PSD3: variants seen among roughly 807,000 people sequenced by gnomAD.
PSD3 encodes the protein pleckstrin and Sec7 domain containing 3.
In PSD3, 49 loss-of-function variants were observed where a neutral mutation model predicts 105.5. The observed-to-expected ratio is 0.46, with a 90% confidence interval of 0.37 to 0.59. The LOEUF is 0.59. PSD3 is among the 20% of genes least tolerant of loss of function. The pLI, the probability that PSD3 is intolerant of heterozygous loss-of-function variation, is 0.00. For missense variants in PSD3, 1,561 were observed against 1,263.8 expected, an observed-to-expected ratio of 1.24 and a Z score of -3.57; for synonymous variants, 557 against 457.8, an observed-to-expected ratio of 1.22 and a Z score of -2.77.
At chr8:18,619,365 T>C (rs1230665005) in intron 11 of PSD3, among the ~76,000 whole-genome samples, 1 of 152,060 alleles carries the variant, frequency 6.6e-6, no homozygotes, top group Admixed American at 6.6e-5. Context: ...CTAAGGCCAC[T>C]GGGGTATGCT....
At chr8:18,665,433 C>T (rs1236269710) in intron 9 of PSD3, among the ~76,000 whole-genome samples, 1 of 152,194 alleles carries the variant, frequency 6.6e-6, no homozygotes, top group Non-Finnish European at 1.5e-5. Flanking sequence ...TGCATTGCTG[C>T]AATCTCATGG....
rs907176669 is a variant in PSD3 at position 18,530,465 on chromosome 8, C to G, written c.*5278G>C. ...CTTCCAAGTCAAGCGAGTACGGATG[C>G]GGCACCACGAGAGTGGTTTGATCTC... On this transcript the variant is annotated 3_prime_UTR_variant, in exon 16 of 16. Transcript: ENST00000327040. 6.5e-6 allele frequency: 1 copy of G among 152,676 alleles called. No homozygotes were observed. Among genetic ancestry groups the G allele is most frequent in the East Asian group, 1.9e-4 (1 of 5,174 alleles). 9.5% of individuals were successfully genotyped at this position (152,676 alleles called of 1,614,324 possible).
intron 12 of PSD3, among the ~76,000 whole-genome samples, chr8:18,593,223 A>C (rs927229729): frequency 9.8e-5 from 15 of 152,340 alleles, no homozygotes; most frequent in African/African-American, 3.4e-4. Context: ...CAATCTACTC[A>C]TCTGACAAAG....
intron 1 of PSD3, among the ~76,000 whole-genome samples, chr8:19,053,247 G>A (rs923550650): frequency 2.6e-5 from 4 of 152,086 alleles, no homozygotes; most frequent in Non-Finnish European, 5.9e-5. Flanking sequence ...CAGGTGGTGG[G>A]AACAAATGGG....
chr8:18,616,570 C>T (rs1441052782), intron 11 of PSD3, among the ~76,000 whole-genome samples: 3 of 151,534 alleles, frequency 2.0e-5, no homozygotes, highest in Non-Finnish European at 4.4e-5. Context: ...TGTGAGATTT[C>T]ATTTACTTAA....
At chr8:19,011,099 T>C (rs1341044442) in intron 1 of PSD3, among the ~76,000 whole-genome samples, 2 of 152,066 alleles carry the variant, frequency 1.3e-5, no homozygotes, top group African/African-American at 4.8e-5. Context: ...ACGATCACTA[T>C]CCATAACTCA....
intron 11 of PSD3, among the ~76,000 whole-genome samples, chr8:18,612,328 T>C (rs1164204173): frequency 6.6e-6 from 1 of 152,194 alleles, no homozygotes; most frequent in Non-Finnish European, 1.5e-5. Flanking sequence ...TTCGGAATTT[T>C]TTTTGTAAGT....
At chr8:19,084,642 C>T in exon 1 of PSD3, 1 of 344,990 alleles carries the variant, frequency 2.9e-6, no homozygotes, top group South Asian at 2.2e-5. Flanking sequence ...ACCACCCCTG[C>T]TTACGTCCGG....
At position 18,594,827 on chromosome 8, in the gene PSD3, T is replaced by C. The variant is rs1585336115; in HGVS notation, c.2481+5537A>G. Among the ~76,000 whole-genome samples, 2 of 152,236 alleles carry C rather than the reference T, an allele frequency of 1.3e-5. 1 individual carries two copies. Among genetic ancestry groups the C allele is most frequent in the Admixed American group, 1.3e-4 (2 of 15,272 alleles). ...AGGCCTACACATCACTTCATTGGCA[T>C]AGATTCAACATAGTACTCAGCATGT... On this transcript the variant is annotated intron_variant, in intron 12 of 15. Transcript: ENST00000327040.
intron 9 of PSD3, among the ~76,000 whole-genome samples, chr8:18,755,307 G>C (rs1212573819): frequency 6.6e-6 from 1 of 152,084 alleles, no homozygotes; most frequent in Non-Finnish European, 1.5e-5. Context: ...GCACGCGCCT[G>C]TAATCTCAGC....
intron 11 of PSD3, among the ~76,000 whole-genome samples, chr8:18,622,696 T>G (rs1216395947): frequency 1.3e-5 from 2 of 152,202 alleles, no homozygotes; most frequent in Non-Finnish European, 2.9e-5. Flanking sequence ...GACATACTTT[T>G]CACCTCACAT....
At chr8:18,543,988 G>C (rs922155031) in intron 15 of PSD3, among the ~76,000 whole-genome samples, 3 of 152,008 alleles carry the variant, frequency 2.0e-5, no homozygotes, top group African/African-American at 7.2e-5. Flanking sequence ...GCTCCTATTT[G>C]CATTCAGACC....
intron 1 of PSD3, among the ~76,000 whole-genome samples, chr8:18,965,824 AG>A (rs1373998202): frequency 4.6e-5 from 7 of 152,354 alleles, no homozygotes; most frequent in African/African-American, 1.7e-4. Context: ...TAATGCGAAA[AG>A]CAACACGTGA....
intron 9 of PSD3, among the ~76,000 whole-genome samples, chr8:18,668,408 C>T (rs959513411): frequency 6.6e-6 from 1 of 152,200 alleles, no homozygotes; most frequent in Non-Finnish European, 1.5e-5. Context: ...AACTGATCTT[C>T]CTCTGATAAT....
rs1247907583 is a variant in PSD3, at chr8:18,575,275, T to C, written c.2492A>G (p.Lys831Arg). ...CTCTTCAGACAAGGCCTTTTCTGGCTTGTATTCATCCTATAGATGGACACA... is the reference window on the plus strand; with the variant it reads ...CTCTTCAGACAAGGCCTTTTCTGGCCTGTATTCATCCTATAGATGGACACA... ...TVLYLQKDEY[K>R]PEKALSEEDL... The change falls in exon 13 of 16, where the codon AAG becomes AGG. Residue 831 changes from lysine to arginine, a missense_variant. Lys to Arg is a conservative substitution (Grantham distance 26, BLOSUM62 2). Transcript: ENST00000327040. 9 of 1,608,826 alleles carry C rather than the reference T, an allele frequency of 5.6e-6. No homozygotes were observed. Among genetic ancestry groups the C allele is most frequent in the African/African-American group, 1.3e-5 (1 of 74,884 alleles).
At chr8:18,718,210 T>C (rs778726294) in intron 9 of PSD3, among the ~76,000 whole-genome samples, 12 of 152,246 alleles carry the variant, frequency 7.9e-5, no homozygotes, top group Non-Finnish European at 1.6e-4. Flanking sequence ...TTGTATGTAA[T>C]AGTCTTCTAC....
intron 4 of PSD3, among the ~76,000 whole-genome samples, chr8:18,845,954 C>A (rs896409390): frequency 2.0e-5 from 3 of 152,200 alleles, no homozygotes. Flanking sequence ...AATCTCCACT[C>A]AATACTGTTC....
At chr8:18,744,747 A>G (rs967731597) in intron 9 of PSD3, among the ~76,000 whole-genome samples, 10 of 152,208 alleles carry the variant, frequency 6.6e-5, no homozygotes, top group Admixed American at 3.9e-4. Context: ...TATAGTATTA[A>G]CTGAACTATA....
At chr8:19,070,646 G>C (rs1444991016) in intron 1 of PSD3, among the ~76,000 whole-genome samples, 1 of 152,120 alleles carries the variant, frequency 6.6e-6, no homozygotes, top group Non-Finnish European at 1.5e-5. Flanking sequence ...CCACTGCACT[G>C]TAGCATGGGA....
Sources: gnomAD v4.1 joint callset for allele counts (sites outside exome capture counted in the v4.1 genomes callset) on GRCh38, gnomAD v4.1.1 for gene constraint, MANE v1.5 for transcripts, NCBI Gene and HGNC (gene_info 2026-07-23, HGNC 2026-07-21) for gene names.